NPHP1: variants seen among roughly 807,000 people sequenced by gnomAD.
NPHP1 encodes the protein nephrocystin-1.
Under a neutral mutation model 90.4 loss-of-function variants are expected in NPHP1, and 70 were observed. The observed-to-expected ratio is 0.77, with a 90% CI of 0.64 to 0.95. NPHP1 has a LOEUF of 0.95. Among genes scored for constraint, NPHP1 ranks in the 40% least tolerant of loss-of-function variants. The pLI, the probability that NPHP1 is intolerant of heterozygous loss-of-function variation, is 0.00. For synonymous variants in NPHP1, 256 were observed against 271.7 expected (o/e 0.94, Z 0.57); for missense variants, 764 against 795.9 (o/e 0.96, Z 0.48).
chr2:110,161,169 A>T (rs1371953266), intron 10 of NPHP1, among the ~76,000 whole-genome samples: 1 of 152,106 alleles, frequency 6.6e-6, no homozygotes, highest in Non-Finnish European at 1.5e-5. Flanking sequence ...CTGTCTCAAA[A>T]ATACTACTAC....
At chr2:110,204,239 T>A (rs1019222517) in intron 1 of NPHP1, among the ~76,000 whole-genome samples, 3 of 152,202 alleles carry the variant, frequency 2.0e-5, no homozygotes, top group African/African-American at 7.2e-5. Context: ...TGTGCCTGCT[T>A]CATCACACCT....
intron 18 of NPHP1, chr2:110,128,548 C>G (rs926524580): frequency 6.5e-6 from 1 of 153,186 alleles, no homozygotes; most frequent in African/African-American, 2.4e-5. Flanking sequence ...TAGGCTCTCT[C>G]ATGCAGGACC....
At chr2:110,170,680 T>C (rs541280672) in intron 4 of NPHP1, among the ~76,000 whole-genome samples, 150 of 152,198 alleles carry the variant, frequency 9.9e-4, no homozygotes, top group African/African-American at 3.6e-3. Context: ...CAATAGGTAC[T>C]AGAGTAGAGG....
At position 110,172,773 on chromosome 2, in the gene NPHP1, T is replaced by C. The variant is rs1013362790; in HGVS notation, c.330-2775A>G. 1.1e-4 allele frequency among the ~76,000 whole-genome samples: 17 copies of C among 152,090 alleles called. No homozygotes were observed. In the South Asian group the frequency reaches 1.2e-3, roughly 11 times the overall value. Reference sequence around the variant, plus strand: ...TACCCAGTCTGGGTAACGGAGACCCTGTCTCCAAAACAAACAAACAAAAGA... The same window carrying C: ...TACCCAGTCTGGGTAACGGAGACCCCGTCTCCAAAACAAACAAACAAAAGA... On this transcript the variant is annotated intron_variant, in intron 4 of 19. Coordinates refer to ENST00000445609, the MANE Select transcript of NPHP1 (RefSeq NM_001128178.3).
At chr2:110,194,386 C>A (rs1684989277) in intron 2 of NPHP1, among the ~76,000 whole-genome samples, 1 of 152,116 alleles carries the variant, frequency 6.6e-6, no homozygotes, top group African/African-American at 2.4e-5. Context: ...CACCTCTATG[C>A]AAATAAACTA....
At chr2:110,141,972 CAAAAAAA>C (rs397934223) in intron 16 of NPHP1, among the ~76,000 whole-genome samples, 1 of 94,274 alleles carries the variant, frequency 1.1e-5, no homozygotes, top group Non-Finnish European at 2.2e-5. Flanking sequence ...GACTCTGTCT[CAAAAAAA>C]AAAAAAAAAA....
intron 15 of NPHP1, 115 bp from the exon 16 acceptor site, chr2:110,143,756 G>A: frequency 1.3e-6 from 1 of 759,604 alleles, no homozygotes. Flanking sequence ...TTGAATGAAA[G>A]GCAAGAGTCA....
Position 110,143,746 on chromosome 2 carries a change from T to C in NPHP1, c.1430-105A>G, listed in dbSNP as rs187146435. On this transcript the variant is annotated intron_variant, in intron 15 of 19. Transcript: ENST00000445609. ...AAATATACCACCCAGTAGTGCTGAA[T>C]TGAATGAAAGGCAAGAGTCATCCAT... 1.7e-3 allele frequency: 1,415 copies of C among 808,640 alleles called. 11 individuals are homozygous for C. The highest frequency in any genetic ancestry group is 5.3e-3 in the South Asian group (365 of 69,406). 50.1% of individuals were successfully genotyped at this position (808,640 alleles called of 1,614,324 possible).
chr2:110,148,474 C>T (rs1276642377), intron 12 of NPHP1, among the ~76,000 whole-genome samples: 8 of 152,088 alleles, frequency 5.3e-5, no homozygotes, highest in East Asian at 1.9e-4. Flanking sequence ...AATGCAAGAA[C>T]GGCCTCACAC....
At chr2:110,159,483 A>G (rs1271578840) in intron 11 of NPHP1, among the ~76,000 whole-genome samples, 2 of 151,514 alleles carry the variant, frequency 1.3e-5, no homozygotes, top group Non-Finnish European at 3.0e-5. Flanking sequence ...CACATTTTCT[A>G]TTTCTTCTTA....
chr2:110,138,418 A>G (rs978429565), intron 16 of NPHP1, among the ~76,000 whole-genome samples: 1 of 152,174 alleles, frequency 6.6e-6, no homozygotes, highest in African/African-American at 2.4e-5. Flanking sequence ...CTCTTAGCAC[A>G]GTTATCTTGA....
intron 8 of NPHP1, chr2:110,163,695 C>G (rs928825282): frequency 1.3e-5 from 2 of 159,226 alleles, no homozygotes; most frequent in African/African-American, 4.8e-5. Flanking sequence ...GAGTCTCACT[C>G]TGTCGCCCAG....
intron 17 of NPHP1, among the ~76,000 whole-genome samples, chr2:110,129,550 A>G (rs772244609): frequency 2.0e-5 from 3 of 152,168 alleles, no homozygotes; most frequent in Non-Finnish European, 2.9e-5. Context: ...TTTTTCTTCA[A>G]CTTCTCTTTC....
At chr2:110,197,697 T>G (rs1053841486) in intron 2 of NPHP1, among the ~76,000 whole-genome samples, 5 of 152,010 alleles carry the variant, frequency 3.3e-5, no homozygotes, top group Non-Finnish European at 7.4e-5. Flanking sequence ...CAAAGGCTGG[T>G]CTTTGAGGAT....
intron 1 of NPHP1, 65 bp downstream of exon 1, chr2:110,204,835 C>A: frequency 1.3e-6 from 2 of 1,535,786 alleles, no homozygotes; most frequent in Non-Finnish European, 9.0e-7. Flanking sequence ...GGTGGGAAGG[C>A]GCAGTGCGCG....
Position 110,191,348 on chromosome 2 carries a change from C to T in NPHP1, c.143+10073G>A, listed in dbSNP as rs370127800. ...GCGCTTTTCCCACAGTCTTAGCAAA[C>T]GGCACACCAGGAGATTACATCGCGC... is the stretch of plus-strand genomic sequence containing the variant. On this transcript the variant is annotated intron_variant, in intron 2 of 19. Coordinates refer to ENST00000445609, the MANE Select transcript of NPHP1 (RefSeq NM_001128178.3). Among the ~76,000 whole-genome samples the T allele has an allele frequency of 7.9e-5, 12 of 152,196 alleles. 1 individual carries two copies. Among genetic ancestry groups the T allele is most frequent in the East Asian group, 5.8e-4 (3 of 5,198 alleles).
chr2:110,125,452 A>T, intron 19 of NPHP1, 185 bp downstream of exon 19: 1 of 1,116,658 alleles, frequency 9.0e-7, no homozygotes, highest in Non-Finnish European at 1.3e-6. Flanking sequence ...ATTCCTTCTC[A>T]CATTAGCTAA....
chr2:110,174,040 GT>G (rs1428792914), intron 4 of NPHP1, among the ~76,000 whole-genome samples: 1 of 151,794 alleles, frequency 6.6e-6, no homozygotes, highest in Non-Finnish European at 1.5e-5. Context: ...TATCACCTTT[GT>G]TTTGGTTATA....
At chr2:110,156,688 G>A in intron 11 of NPHP1, among the ~76,000 whole-genome samples, 1 of 152,076 alleles carries the variant, frequency 6.6e-6, no homozygotes, top group East Asian at 1.9e-4. Context: ...TCCAAGAGGA[G>A]CTGACTCAAA....
Sources: allele counts gnomAD v4.1 joint callset (sites outside exome capture counted in the v4.1 genomes callset), GRCh38; gene constraint gnomAD v4.1.1; transcripts MANE v1.5; gene names NCBI Gene and HGNC (gene_info 2026-07-23, HGNC 2026-07-21).